UNC13A: variants seen among roughly 807,000 people sequenced by gnomAD.
UNC13A encodes protein unc-13 homolog A.
In UNC13A, 61 loss-of-function variants were observed where a neutral mutation model predicts 219.7. The observed-to-expected ratio is 0.28, with a 90% confidence interval of 0.23 to 0.34. The LOEUF is 0.34. UNC13A is among the 10% of genes least tolerant of loss of function. UNC13A has a pLI of 1.00. For missense variants in UNC13A, 1,476 were observed against 2,270.3 expected (o/e 0.65, Z 7.11); for synonymous variants, 920 against 884.6 (o/e 1.04, Z -0.71).
In UNC13A at chr19:17,606,368, G is replaced by T. The variant is rs2076529840; in HGVS notation, c.4812-14C>A. 1.9e-6 allele frequency: 3 copies of T among 1,539,632 alleles called. No homozygotes were observed. In the African/African-American group the frequency reaches 4.1e-5, roughly 21 times the overall value. On this transcript the variant is annotated splice_polypyrimidine_tract_variant and intron_variant, in intron 43 of 43. Coordinates refer to ENST00000519716, the MANE Select transcript of UNC13A (RefSeq NM_001080421.3). ...GCGCTCAGCGTGCTGCGTGGGGAGG[G>T]GCGGAACGTGAGACAGGCCACACCT...
intron 9 of UNC13A, among the ~76,000 whole-genome samples, chr19:17,657,082 T>C (rs550801968): frequency 6.6e-6 from 1 of 152,136 alleles, no homozygotes; most frequent in South Asian, 2.1e-4. Context: ...GTCTCCACAG[T>C]TCCTGCTTCC....
chr19:17,667,258 A>G (rs2079673398), intron 6 of UNC13A, among the ~76,000 whole-genome samples: 2 of 150,406 alleles, frequency 1.3e-5, no homozygotes, highest in East Asian at 3.9e-4. Flanking sequence ...TCAAAAAAGA[A>G]AAAAAAAAAA....
At position 17,642,974 on chromosome 19, in the gene UNC13A, A is replaced by T; in HGVS notation, c.2357-14T>A. 6.3e-7 allele frequency: 1 copy of T among 1,589,568 alleles called. No homozygotes were observed. The highest frequency in any genetic ancestry group is 8.6e-7 in the Non-Finnish European group (1 of 1,167,196). On this transcript the variant is annotated splice_polypyrimidine_tract_variant and intron_variant, in intron 19 of 43. Coordinates refer to ENST00000519716, the MANE Select transcript of UNC13A (RefSeq NM_001080421.3). ...CAGTTCGCTTGTCTGCAGGGCAGAAAAAGAAGACAGTGTCAGAACTTCCCA... is the reference window on the plus strand; with the variant it reads ...CAGTTCGCTTGTCTGCAGGGCAGAATAAGAAGACAGTGTCAGAACTTCCCA...
chr19:17,611,995 G>T, intron 41 of UNC13A, 140 bp from the exon 42 acceptor site: 1 of 631,298 alleles, frequency 1.6e-6, no homozygotes, highest in Non-Finnish European at 2.7e-6. Context: ...TGGGGGGCCA[G>T]GATGGGAGGT....
chr19:17,620,639 G>A (rs2076719297), intron 38 of UNC13A, 54 bp downstream of exon 38: 1 of 1,554,320 alleles, frequency 6.4e-7, no homozygotes, highest in Non-Finnish European at 8.8e-7. Context: ...GCACAGGGGT[G>A]GGGTGGGGGG....
rs2079451459 is a variant in UNC13A, at chr19:17,656,268, A to G, written c.898T>C (p.Ser300Pro). The G allele has an allele frequency of 1.3e-6, 2 of 1,551,770 alleles. No individual in the cohort carries two copies. The highest frequency in any genetic ancestry group is 1.4e-5 in the African/African-American group (1 of 73,130). The part of the protein sequence containing the change: ...SDMEDERDRD[S>P]YHSCHSSVSY... ...ACCGAGCTGTGGCAGGAGTGGTAGG[A>G]GTCCCGGTCCCGCTCATCCTCCATG... The change falls in exon 10 of 44, where the codon TCC (serine) becomes CCC (proline). Residue 300 changes from serine to proline, a missense_variant. Transcript: ENST00000519716.
In UNC13A at chr19:17,642,911, G is replaced by T. The variant is rs202053851; in HGVS notation, c.2406C>A (p.Ile802=). Residue 802 remains isoleucine, a synonymous_variant, in exon 20 of 44, where the codon ATC becomes ATA. Transcript: ENST00000519716. Reference sequence around the variant, plus strand: ...TCTCCTCGCCTTTGATCTCCACACTGATGTGGAGCCGGATGGCACCCGACA... The same window carrying T: ...TCTCCTCGCCTTTGATCTCCACACTTATGTGGAGCCGGATGGCACCCGACA... ...SAVSGAIRLH[I]SVEIKGEEKV... The T allele has an allele frequency of 3.4e-5, 55 of 1,610,940 alleles. No individual in the cohort carries two copies. Among genetic ancestry groups the T allele is most frequent in the Middle Eastern group, 3.3e-4 (2 of 6,060 alleles).
intron 8 of UNC13A, among the ~76,000 whole-genome samples, chr19:17,661,779 C>T (rs2079554871): frequency 6.6e-6 from 1 of 152,098 alleles, no homozygotes; most frequent in Non-Finnish European, 1.5e-5. Context: ...AAGGGAGCAA[C>T]TCTTTAGGGC....
At position 17,647,253 on chromosome 19, in the gene UNC13A, A is replaced by C. The variant is rs369659533; in HGVS notation, c.2044+12T>G. ...AGAAGGAGGGGCCCTATGGCGGCCC[A>C]CGCCCCCTCACCGGTGATGCTGATC... On this transcript the variant is annotated intron_variant, in intron 17 of 43. Transcript: ENST00000519716. 3.2e-6 allele frequency: 5 copies of C among 1,556,290 alleles called. No homozygotes were observed. In the South Asian group the frequency reaches 5.9e-5, roughly 18 times the overall value.
rs981538017 is a variant in UNC13A, at chr19:17,649,682, G to C, written c.1440-95C>G. On this transcript the variant is annotated intron_variant, in intron 12 of 43. Coordinates refer to ENST00000519716, the MANE Select transcript of UNC13A (RefSeq NM_001080421.3). This position sits in a 1 kb window ranked among gnomAD's most constrained non-coding sequence, Gnocchi z 4.4. Reference sequence around the variant, plus strand: ...TTCAACCTCCCCCAGGTGTTAAGGGGTTGAATTGGGTCCCTCAAAAAAAAG... The same window carrying C: ...TTCAACCTCCCCCAGGTGTTAAGGGCTTGAATTGGGTCCCTCAAAAAAAAG... 1 of 1,369,516 alleles carries C rather than the reference G, an allele frequency of 7.3e-7. No homozygotes were observed. The highest frequency in any genetic ancestry group is 1.0e-6 in the Non-Finnish European group (1 of 965,242). 84.8% of individuals were successfully genotyped at this position (1,369,516 alleles called of 1,614,324 possible). A position where few individuals can be genotyped will look rare whatever the true frequency, so the allele number is the denominator to read the frequency against.
At chr19:17,678,277 G>A (rs1382491470) in intron 1 of UNC13A, among the ~76,000 whole-genome samples, 4 of 152,128 alleles carry the variant, frequency 2.6e-5, no homozygotes, top group Non-Finnish European at 5.9e-5. Context: ...TCAGGAGTTC[G>A]AGACCAGCCT....
At chr19:17,629,433 G>A in intron 30 of UNC13A, 110 bp from the exon 31 acceptor site, 1 of 946,240 alleles carries the variant, frequency 1.1e-6, no homozygotes, top group Non-Finnish European at 1.6e-6. Flanking sequence ...ACCCTATTAG[G>A]ACCTAAGATG....
rs536882870 is a variant in UNC13A, at chr19:17,659,736, T to G, written c.560-1467A>C. Among the ~76,000 whole-genome samples the G allele has an allele frequency of 2.1e-3, 320 of 152,180 alleles. 2 individuals carry two copies. The highest frequency in any genetic ancestry group is 2.1e-3 in the Non-Finnish European group (145 of 68,012). The stretch of plus-strand genomic sequence containing the variant: ...GTGAGCTATGATTACGCCTCTGCAC[T>G]GCAGTCTGGGTGTCAGAATGAGACC... On this transcript the variant is annotated intron_variant, in intron 8 of 43. Coordinates refer to ENST00000519716, the MANE Select transcript of UNC13A (RefSeq NM_001080421.3).
intron 8 of UNC13A, among the ~76,000 whole-genome samples, chr19:17,659,406 G>A (rs942831745): frequency 1.3e-5 from 2 of 151,920 alleles, no homozygotes; most frequent in Non-Finnish European, 2.9e-5. Flanking sequence ...TCACACCTCT[G>A]CACTCCAGGG....
At chr19:17,666,191 T>TTCTCTCTCTC (rs373186552) in intron 7 of UNC13A, among the ~76,000 whole-genome samples, 5,670 of 42,978 alleles carry the variant, frequency 0.13, 273 homozygotes, top group African/African-American at 0.28. Flanking sequence ...CTCTCTCTCT[T>TTCTCTCTCTC]TCTCTCTTTC....
rs1482107844 is a variant in UNC13A, at chr19:17,608,447, TATATA to T, written c.4811+1488_4811+1492del. 9.8e-4 allele frequency among the ~76,000 whole-genome samples: 135 copies of T among 137,952 alleles called. 2 individuals carry two copies. In the South Asian group the frequency reaches 0.015, roughly 15 times the overall value. 90.5% of individuals were successfully genotyped at this position (137,952 alleles called of 152,430 possible). A position where few individuals can be genotyped will look rare whatever the true frequency, so the allele number is the denominator to read the frequency against. On this transcript the variant is annotated intron_variant, in intron 43 of 43. Transcript: ENST00000519716. ...TATATGATATATATTTATTATATAT[TATATA>T]ATATAATATAAATACATATTTTATA...
At chr19:17,667,829 C>G (rs1453864498) in intron 6 of UNC13A, among the ~76,000 whole-genome samples, 1 of 144,172 alleles carries the variant, frequency 6.9e-6, no homozygotes, top group East Asian at 2.0e-4. Context: ...CTGTGTTGAC[C>G]AGGCTGGTCT....
At chr19:17,626,264 C>G (rs1599345572) in intron 34 of UNC13A, 2 of 184,598 alleles carry the variant, frequency 1.1e-5, no homozygotes, top group East Asian at 2.8e-4. Context: ...ATCTATGCAT[C>G]AAAACATTTA....
chr19:17,651,092 G>A (rs562024177), intron 12 of UNC13A, among the ~76,000 whole-genome samples: 5 of 150,220 alleles, frequency 3.3e-5, no homozygotes, highest in Admixed American at 1.3e-4. Context: ...TGCGCACCAC[G>A]ACACCTGGCT....
Sources: allele counts gnomAD v4.1 joint callset (sites outside exome capture counted in the v4.1 genomes callset), GRCh38; gene constraint gnomAD v4.1.1; non-coding constraint Gnocchi (gnomAD v3.1); transcripts MANE v1.5; gene names NCBI Gene and HGNC (gene_info 2026-07-23, HGNC 2026-07-21).